RBM6: variants seen among roughly 807,000 people sequenced by gnomAD.
RBM6 encodes RNA-binding protein 6.
In RBM6, 23 loss-of-function variants were observed where a neutral mutation model predicts 140.4. The observed-to-expected ratio is 0.16, with a 90% CI of 0.12 to 0.23. The LOEUF (loss-of-function observed/expected upper bound fraction) is 0.23, where lower values mean the gene tolerates loss of function less well. Among genes scored for constraint, RBM6 ranks in the 10% least tolerant of loss-of-function variants. The pLI is 1.00. For missense variants in RBM6, 1,139 were observed against 1,386.7 expected, an observed-to-expected ratio of 0.82 and a Z score of 2.84; for synonymous variants, 439 against 475.6, an observed-to-expected ratio of 0.92 and a Z score of 1.00.
At chr3:49,987,366 A>T (rs1474245462) in intron 5 of RBM6, among the ~76,000 whole-genome samples, 1 of 150,812 alleles carries the variant, frequency 6.6e-6, no homozygotes, top group Non-Finnish European at 1.5e-5. Flanking sequence ...CCCAGGCTGG[A>T]GTGCAGTGAC....
chr3:49,940,704 C>T (rs996622888), intron 1 of RBM6: 21 of 154,312 alleles, frequency 1.4e-4, no homozygotes, highest in African/African-American at 4.6e-4. Context: ...AGCTCCGAGC[C>T]CGGTCGTCGG....
intron 5 of RBM6, among the ~76,000 whole-genome samples, chr3:49,989,139 A>G (rs2085698320): frequency 6.6e-6 from 1 of 152,174 alleles, no homozygotes; most frequent in Non-Finnish European, 1.5e-5. Flanking sequence ...ATGACTTATC[A>G]ACTGGGTTTG....
chr3:50,020,481 T>C (rs2087420763), intron 6 of RBM6, among the ~76,000 whole-genome samples: 1 of 152,224 alleles, frequency 6.6e-6, no homozygotes, highest in Non-Finnish European at 1.5e-5. Flanking sequence ...TTTTCTTCTC[T>C]TTTAATATAT....
intron 5 of RBM6, 120 bp from the exon 6 acceptor site, chr3:49,999,320 G>A (rs1431076416): frequency 5.1e-6 from 4 of 784,746 alleles, no homozygotes; most frequent in Non-Finnish European, 2.2e-6. Flanking sequence ...GTGTAGGGGA[G>A]GGAGGGGTTA....
intron 1 of RBM6, among the ~76,000 whole-genome samples, chr3:49,944,981 A>C (rs1185709023): frequency 6.7e-6 from 1 of 150,164 alleles, no homozygotes; most frequent in African/African-American, 2.5e-5. Flanking sequence ...GGTTCTTGCC[A>C]TTCTCCTGCC....
At chr3:49,977,931 A>C (rs965279748) in intron 5 of RBM6, among the ~76,000 whole-genome samples, 1 of 152,210 alleles carries the variant, frequency 6.6e-6, no homozygotes, top group Non-Finnish European at 1.5e-5. Flanking sequence ...AGCCTGAGCA[A>C]CATAGCAAGA....
Position 49,955,138 on chromosome 3 carries a change from C to T in RBM6, c.-66-7438C>T, listed in dbSNP as rs139406163. 2.2e-3 allele frequency among the ~76,000 whole-genome samples: 321 copies of T among 144,460 alleles called. 1 individual carries two copies. The highest frequency in any genetic ancestry group is 3.7e-3 in the Middle Eastern group (1 of 268). The allele number at this position is 144,460 out of a possible 152,430, so 94.8% of individuals were successfully genotyped here. A position where few individuals can be genotyped will look rare whatever the true frequency, so the allele number is the denominator to read the frequency against. On this transcript the variant is annotated intron_variant, in intron 1 of 20. Transcript: ENST00000266022. ...TAGCTACTTTATTTATTCTTAGGGC[C>T]GCATAGTATTTTTTTTTCTTTCTTT...
chr3:49,968,580 T>G lies in RBM6; in HGVS notation c.1155T>G (p.Phe385Leu), dbSNP rs1249680101. ...AGCAGAGTTCAGATGCTGGTCTGTT[T>G]AAAGAAGAAGGCGGTCTGGACTTTC... ...REEQSSDAGL[F>L]KEEGGLDFLG... The change falls in exon 3 of 21, where the codon TTT becomes TTG. Residue 385 changes from phenylalanine (F) to leucine (L), a missense_variant. Coordinates refer to ENST00000266022, the MANE Select transcript of RBM6 (RefSeq NM_005777.3). 3 of 1,613,986 alleles carry G rather than the reference T, an allele frequency of 1.9e-6. No homozygotes were observed. Among genetic ancestry groups the G allele is most frequent in the Non-Finnish European group, 2.5e-6 (3 of 1,180,032 alleles).
At chr3:49,961,217 A>C (rs2084267555) in intron 1 of RBM6, among the ~76,000 whole-genome samples, 1 of 151,992 alleles carries the variant, frequency 6.6e-6, no homozygotes, top group Non-Finnish European at 1.5e-5. Context: ...AGCTGGGATT[A>C]CAGGTGCCTG....
chr3:50,038,940 A>T (rs929404123), intron 6 of RBM6, among the ~76,000 whole-genome samples: 2 of 152,218 alleles, frequency 1.3e-5, no homozygotes, highest in African/African-American at 2.4e-5. Context: ...CCTCTCTTTT[A>T]TCTGGGACTA....
intron 1 of RBM6, among the ~76,000 whole-genome samples, chr3:49,951,363 C>T (rs1234174624): frequency 6.6e-6 from 1 of 151,130 alleles, no homozygotes; most frequent in Non-Finnish European, 1.5e-5. Flanking sequence ...CAGATGTGTT[C>T]CACCTTGTCC....
chr3:50,031,691 G>T (rs2088175293), intron 6 of RBM6, among the ~76,000 whole-genome samples: 2 of 151,748 alleles, frequency 1.3e-5, no homozygotes, highest in Non-Finnish European at 2.9e-5. Flanking sequence ...TAACAAACCT[G>T]CACATTGTGC....
At position 50,043,316 on chromosome 3, in the gene RBM6, C is replaced by G. The variant is rs147619089; in HGVS notation, c.1558-4929C>G. 2.6e-3 allele frequency among the ~76,000 whole-genome samples: 397 copies of G among 151,984 alleles called. 1 individual carries two copies. The highest frequency in any genetic ancestry group is 9.1e-3 in the African/African-American group (377 of 41,488). The stretch of plus-strand genomic sequence containing the variant: ...TGGCCAACATGGTGAAACCCCATCT[C>G]TACTAAAAATACAAAAATTATCCCG... On this transcript the variant is annotated intron_variant, in intron 6 of 20. Coordinates refer to ENST00000266022, the MANE Select transcript of RBM6 (RefSeq NM_005777.3).
chr3:50,070,619 C>A, intron 19 of RBM6, 67 bp downstream of exon 19: 1 of 1,100,476 alleles, frequency 9.1e-7, no homozygotes, highest in Non-Finnish European at 1.4e-6. Flanking sequence ...CCTCCTTCAA[C>A]TGTACTGCTG....
chr3:50,028,496 A>G (rs2108814726), intron 6 of RBM6, among the ~76,000 whole-genome samples: 1 of 152,324 alleles, frequency 6.6e-6, no homozygotes, highest in Non-Finnish European at 1.5e-5. Context: ...CACTTTTCCT[A>G]GTAAAATACT....
intron 8 of RBM6, among the ~76,000 whole-genome samples, chr3:50,056,686 CTA>C (rs2089717388): frequency 6.6e-6 from 1 of 152,206 alleles, no homozygotes; most frequent in Non-Finnish European, 1.5e-5. Flanking sequence ...TATGTAATCT[CTA>C]TATTGCTCTC....
rs1000866139 is a variant in RBM6 at position 49,958,154 on chromosome 3, A to G, written c.-66-4422A>G. Reference sequence around the variant, plus strand: ...TAAAAATTCATTCTGGGCCGGGCGCAGTGGCTCACGCCTGTAATCCCGACA... The same window carrying G: ...TAAAAATTCATTCTGGGCCGGGCGCGGTGGCTCACGCCTGTAATCCCGACA... On this transcript the variant is annotated intron_variant, in intron 1 of 20. Coordinates refer to ENST00000266022, the MANE Select transcript of RBM6 (RefSeq NM_005777.3). 1.1e-4 allele frequency among the ~76,000 whole-genome samples: 17 copies of G among 151,990 alleles called. No individual in the cohort carries two copies. In the South Asian group the frequency reaches 2.5e-3, roughly 22 times the overall value.
chr3:49,950,482 G>A (rs750417344), intron 1 of RBM6, among the ~76,000 whole-genome samples: 4 of 152,106 alleles, frequency 2.6e-5, no homozygotes, highest in Non-Finnish European at 4.4e-5. Context: ...AAGGCCAGGC[G>A]TGGTGACTCA....
chr3:50,061,764 C>T, intron 14 of RBM6, 198 bp from the exon 15 acceptor site: 1 of 1,322,224 alleles, frequency 7.6e-7, no homozygotes, highest in Admixed American at 2.9e-5. Flanking sequence ...AACAGTGTTG[C>T]TCTTGAAAAA....
Sources: gnomAD v4.1 joint callset for allele counts (sites outside exome capture counted in the v4.1 genomes callset) on GRCh38, gnomAD v4.1.1 for gene constraint, MANE v1.5 for transcripts, NCBI Gene and HGNC (gene_info 2026-07-23, HGNC 2026-07-21) for gene names.